ZNF534: variants seen among roughly 807,000 people sequenced by gnomAD.
ZNF534 encodes zinc finger protein 534.
Under a neutral mutation model 13.6 loss-of-function variants are expected in ZNF534, and 19 were observed. The observed-to-expected ratio is 1.40, with a 90% CI of 0.97 to 2.05. The LOEUF (loss-of-function observed/expected upper bound fraction) is 2.05, where lower values mean the gene tolerates loss of function less well. Among genes scored for constraint, ZNF534 ranks in the 30% most tolerant of loss-of-function variants. The pLI is 0.00. For missense variants in ZNF534, 782 were observed against 796.3 expected, an observed-to-expected ratio of 0.98 and a Z score of 0.22; for synonymous variants, 244 against 273.8, an observed-to-expected ratio of 0.89 and a Z score of 1.07.
Position 52,438,205 on chromosome 19 carries a change from A to G in ZNF534, c.745A>G (p.Lys249Glu), listed in dbSNP as rs2059142196. 6.2e-7 allele frequency: 1 copy of G among 1,614,002 alleles called. No homozygotes were observed. Among genetic ancestry groups the G allele is most frequent in the African/African-American group, 1.3e-5 (1 of 74,944 alleles). ...GCCTTACAAATATAATGAATGTGGCAAAGTCTTCAATCAGAATTCACACCT... is the reference window on the plus strand; with the variant it reads ...GCCTTACAAATATAATGAATGTGGCGAAGTCTTCAATCAGAATTCACACCT... ...EKPYKYNECGKVFNQNSHLAQ... is the reference protein window; with the variant it reads ...EKPYKYNECGEVFNQNSHLAQ... Residue 249 changes from lysine (K) to glutamate (E), a missense_variant, in exon 5 of 5, where the codon AAA (lysine) becomes GAA (glutamate). Lys to Glu is a moderately conservative substitution (Grantham distance 56). Coordinates refer to ENST00000433050, the MANE Select transcript of ZNF534 (RefSeq NM_001143938.3).
Position 52,439,403 on chromosome 19 carries a change from T to C in ZNF534, c.1943T>C (p.Ile648Thr). The change falls in exon 5 of 5, where the codon ATC (isoleucine) becomes ACC (threonine). Residue 648 changes from isoleucine (I) to threonine (T), a missense_variant. By Grantham distance (89) the Ile-to-Thr change is moderately conservative. Around this residue, in one of 5 missense-constraint regions of ZNF534, gnomAD observed 60 missense variants for 59.9 expected, o/e 1.00. Transcript: ENST00000433050. ...GGCAAGGTCTTTAGTAAAAATTCCA[T>C]CCTAGTACAACATTGCAGTATTCAT... is the stretch of plus-strand genomic sequence containing the variant. Reference protein sequence around the residue: ...ECGKVFSKNSILVQHCSIHTR... With the variant: ...ECGKVFSKNSTLVQHCSIHTR... 1 of 1,548,044 alleles carries C rather than the reference T, an allele frequency of 6.5e-7. No individual in the cohort carries two copies. Among genetic ancestry groups the C allele is most frequent in the East Asian group, 2.4e-5 (1 of 40,894 alleles).
intron 2 of ZNF534, among the ~76,000 whole-genome samples, chr19:52,431,980 A>G (rs749504201): frequency 6.6e-6 from 1 of 151,792 alleles, no homozygotes; most frequent in Non-Finnish European, 1.5e-5. Flanking sequence ...TATATGTGTA[A>G]GTGTGTACAT....
At chr19:52,449,977 C>T (rs2059207400) in intron 4 of ZNF534, among the ~76,000 whole-genome samples, 1 of 152,040 alleles carries the variant, frequency 6.6e-6, no homozygotes, top group South Asian at 2.1e-4. Context: ...GCCAAGATCG[C>T]ACCACTGCAC....
Position 52,438,324 on chromosome 19 carries a change from T to C in ZNF534, c.864T>C (p.His288=), listed in dbSNP as rs1330249518. 5 of 1,606,340 alleles carry C rather than the reference T, an allele frequency of 3.1e-6. No individual in the cohort carries two copies. The highest frequency in any genetic ancestry group is 4.5e-5 in the East Asian group (2 of 44,678). Residue 288 remains histidine (H), a synonymous_variant, in exon 5 of 5, where the codon CAT becomes CAC. Transcript: ENST00000433050. ...VFSHHAYLAQ[H]RKIHTGEKPY... The stretch of plus-strand genomic sequence containing the variant: ...GTCACCATGCCTACCTTGCACAGCA[T>C]AGGAAAATTCATACTGGAGAGAAGC...
rs751992255 is a variant in ZNF534, at chr19:52,438,340, G to A, written c.880G>A (p.Gly294Arg). The stretch of plus-strand genomic sequence containing the variant: ...TGCACAGCATAGGAAAATTCATACT[G>A]GAGAGAAGCCTTACAAATGTAGTGA... ...YLAQHRKIHT[G>R]EKPYKCSECG... The change falls in exon 5 of 5, where the codon GGA (glycine) becomes AGA (arginine). Residue 294 changes from glycine to arginine, a missense_variant. Physicochemically the swap from Gly to Arg is moderately radical, Grantham distance 125 (BLOSUM62 -2). Transcript: ENST00000433050. The A allele has an allele frequency of 1.5e-4, 237 of 1,613,218 alleles. No individual in the cohort carries two copies. Among genetic ancestry groups the A allele is most frequent in the Non-Finnish European group, 1.9e-4 (226 of 1,179,430 alleles).
rs1198388460 is a variant in ZNF534, at chr19:52,437,925, C to G, written c.465C>G (p.Val155=). ...CAGTTCAAATAAGTTTTTTCAGTGTCAAAACCCATATTTTTAATAACTACA... is the reference window on the plus strand; with the variant it reads ...CAGTTCAAATAAGTTTTTTCAGTGTGAAAACCCATATTTTTAATAACTACA... ...VSPVQISFFS[V]KTHIFNNYRN... Residue 155 remains valine (V), a synonymous_variant, in exon 5 of 5, where the codon GTC becomes GTG. Transcript: ENST00000433050. 8.7e-6 allele frequency: 14 copies of G among 1,612,572 alleles called. No individual in the cohort carries two copies. In the East Asian group the frequency reaches 3.1e-4, roughly 36 times the overall value.
chr19:52,443,078 C>T (rs2059182247), downstream of ZNF534, among the ~76,000 whole-genome samples: 1 of 152,114 alleles, frequency 6.6e-6, no homozygotes, highest in African/African-American at 2.4e-5. Context: ...GGGGTGGTCA[C>T]CTCCTCAATT....
intron 1 of ZNF534, among the ~76,000 whole-genome samples, chr19:52,430,715 A>G (rs59809901): frequency 0.16 from 23,808 of 150,050 alleles, 2,600 homozygotes; most frequent in African/African-American, 0.32. Flanking sequence ...ACCCAGCTAA[A>G]TTTTGTATTT....
intron 2 of ZNF534, among the ~76,000 whole-genome samples, chr19:52,431,856 C>CTT (rs113745068): frequency 7.1e-6 from 1 of 140,150 alleles, no homozygotes; most frequent in Admixed American, 7.3e-5. Context: ...TGTGGAATTC[C>CTT]TTTTTTTTTT....
chr19:52,448,447 A>C (rs1028849009), intron 4 of ZNF534, among the ~76,000 whole-genome samples: 1 of 152,074 alleles, frequency 6.6e-6, no homozygotes, highest in Non-Finnish European at 1.5e-5. Flanking sequence ...TGTTCCATCT[A>C]CTTGTGAATG....
At position 52,438,480 on chromosome 19, in the gene ZNF534, C is replaced by T; in HGVS notation, c.1020C>T (p.Ser340=). The T allele has an allele frequency of 6.3e-7, 1 of 1,597,770 alleles. No homozygotes were observed. The change falls in exon 5 of 5, where the codon TCC becomes TCT. Residue 340 remains serine (S), a synonymous_variant. Coordinates refer to ENST00000433050, the MANE Select transcript of ZNF534 (RefSeq NM_001143938.3). Reference sequence around the variant, plus strand: ...GCAAGGTCTTCAGGCATAAGTCTTCCCTAACCACTCATCAGACAGTTCATA... The same window carrying T: ...GCAAGGTCTTCAGGCATAAGTCTTCTCTAACCACTCATCAGACAGTTCATA... ...ECGKVFRHKS[S]LTTHQTVHTG... is the part of the protein sequence containing the mutation.
Position 52,441,006 on chromosome 19 carries a change from A to G in ZNF534, c.*1560A>G, listed in dbSNP as rs113503047. On this transcript the variant is annotated 3_prime_UTR_variant, in exon 5 of 5. Transcript: ENST00000433050. Reference sequence around the variant, plus strand: ...AACCGCCACCTCCTAGGTTCAAGCAATTCTCCTGCCTCTACCTCCCGAGTA... The same window carrying G: ...AACCGCCACCTCCTAGGTTCAAGCAGTTCTCCTGCCTCTACCTCCCGAGTA... Among the ~76,000 whole-genome samples the G allele has an allele frequency of 2.0e-4, 31 of 151,982 alleles. No homozygotes were observed. Among genetic ancestry groups the G allele is most frequent in the Admixed American group, 5.2e-4 (8 of 15,268 alleles).
chr19:52,440,505 G>A lies in ZNF534; in HGVS notation c.*1059G>A, dbSNP rs914261585. ...TCAAATAATTCATACTGGAGGCTGG[G>A]TGCGGTGGCTCACGCCTGTAATCCC... is the stretch of plus-strand genomic sequence containing the variant. On this transcript the variant is annotated 3_prime_UTR_variant, in exon 5 of 5. Coordinates refer to ENST00000433050, the MANE Select transcript of ZNF534 (RefSeq NM_001143938.3). Among the ~76,000 whole-genome samples, 8 of 152,176 alleles carry A rather than the reference G, an allele frequency of 5.3e-5. No homozygotes were observed. Among genetic ancestry groups the A allele is most frequent in the African/African-American group, 1.7e-4 (7 of 41,436 alleles).
intron 2 of ZNF534, among the ~76,000 whole-genome samples, chr19:52,432,162 G>C (rs1388026799): frequency 6.6e-6 from 1 of 151,882 alleles, no homozygotes; most frequent in Non-Finnish European, 1.5e-5. Context: ...ACCTGATAGT[G>C]GCTATAAGAG....
chr19:52,432,355 A>G (rs1409858643), intron 2 of ZNF534, among the ~76,000 whole-genome samples: 1 of 152,046 alleles, frequency 6.6e-6, no homozygotes, highest in Non-Finnish European at 1.5e-5. Context: ...TAACTGTCTG[A>G]TTCTTTAGGT....
intron 2 of ZNF534, among the ~76,000 whole-genome samples, chr19:52,432,127 C>T (rs1476086243): frequency 6.6e-6 from 1 of 151,700 alleles, no homozygotes; most frequent in Non-Finnish European, 1.5e-5. Context: ...TCTACATTAT[C>T]ATGTATGATG....
rs1393996512 is a variant in ZNF534, at chr19:52,441,697, A to G, written c.*2251A>G. Among the ~76,000 whole-genome samples the G allele has an allele frequency of 6.6e-6, 1 of 152,256 alleles. No homozygotes were observed. Among genetic ancestry groups the G allele is most frequent in the African/African-American group, 2.4e-5 (1 of 41,470 alleles). ...GCAGACAAACCTTACAACTGTAATG[A>G]ATGTGGCAAGGTCTCAAATTGAAAT... On this transcript the variant is annotated 3_prime_UTR_variant, in exon 5 of 5. Coordinates refer to ENST00000433050, the MANE Select transcript of ZNF534 (RefSeq NM_001143938.3).
intron 4 of ZNF534, among the ~76,000 whole-genome samples, chr19:52,448,412 A>G (rs776270790): frequency 4.5e-5 from 6 of 133,170 alleles, no homozygotes; most frequent in Non-Finnish European, 9.9e-5. Flanking sequence ...AAAAAAAATT[A>G]TTTTTTAAAA....
In ZNF534 at chr19:52,430,913, C is replaced by CGG. The variant is rs540607258; in HGVS notation, c.-67-494_-67-493insGG. Among the ~76,000 whole-genome samples, 768 of 149,160 alleles carry CGG rather than the reference C, an allele frequency of 5.1e-3. 3 individuals are homozygous for CGG. The highest frequency in any genetic ancestry group is 7.3e-3 in the Non-Finnish European group (492 of 67,378). ...TCACCCAGGCTGGAGTGCAATGGTG[C>CGG]GATCTCGGCTCACTGCAACCTCTGC... is the stretch of plus-strand genomic sequence containing the variant. On this transcript the variant is annotated intron_variant, in intron 1 of 4. Coordinates refer to ENST00000433050, the MANE Select transcript of ZNF534 (RefSeq NM_001143938.3).
Sources: allele counts gnomAD v4.1 joint callset (sites outside exome capture counted in the v4.1 genomes callset), GRCh38; gene constraint gnomAD v4.1.1; regional missense constraint gnomAD v4.1.1; transcripts MANE v1.5; gene names NCBI Gene and HGNC (gene_info 2026-07-23, HGNC 2026-07-21).